The following XXYLT1 variants were observed in gnomAD, a reference collection of about 807,000 sequenced individuals.
XXYLT1 encodes xyloside xylosyltransferase 1.
Under a neutral mutation model 28.9 loss-of-function variants are expected in XXYLT1, and 20 were observed. The ratio of observed to expected loss-of-function variants is 0.69; its 90% CI spans 0.49 to 1.00. The LOEUF (loss-of-function observed/expected upper bound fraction) is 1.00, where lower values mean the gene tolerates loss of function less well. Among genes scored for constraint, XXYLT1 ranks in the 50% least tolerant of loss-of-function variants. The pLI is 0.00. For synonymous variants in XXYLT1, 257 were observed against 253.8 expected, an observed-to-expected ratio of 1.01 and a Z score of -0.12; for missense variants, 542 against 560.1, an observed-to-expected ratio of 0.97 and a Z score of 0.33.
At chr3:195,130,660 C>A (rs1718858286) in intron 3 of XXYLT1, among the ~76,000 whole-genome samples, 4 of 152,160 alleles carry the variant, frequency 2.6e-5, no homozygotes, top group Non-Finnish European at 1.5e-5. Flanking sequence ...GCTAAGAAAT[C>A]AGCCTGAGCA....
chr3:195,097,539 A>G (rs930494431), intron 3 of XXYLT1, among the ~76,000 whole-genome samples: 2 of 152,084 alleles, frequency 1.3e-5, no homozygotes, highest in South Asian at 4.1e-4. Flanking sequence ...CATGATCCCC[A>G]CTTTATAGAC....
chr3:195,069,789 C>T lies in XXYLT1; in HGVS notation c.1108G>A (p.Glu370Lys), dbSNP rs907485665. Residue 370 changes from glutamate (E) to lysine (K), a missense_variant, in exon 4 of 4, where the codon GAG becomes AAG. Transcript: ENST00000310380. ...WRDHGYSDVF[E>K]AYFRCEGHVK... ...TGGCCCTCACACCTGAAATAGGCCT[C>T]GAAGACGTCACTGTAGCCATGGTCC... is the stretch of plus-strand genomic sequence containing the variant. 6 of 1,614,034 alleles carry T rather than the reference C, an allele frequency of 3.7e-6. No homozygotes were observed. The highest frequency in any genetic ancestry group is 1.1e-5 in the South Asian group (1 of 91,088).
intron 3 of XXYLT1, among the ~76,000 whole-genome samples, chr3:195,116,976 G>A (rs1220044173): frequency 6.6e-6 from 1 of 152,116 alleles, no homozygotes; most frequent in Non-Finnish European, 1.5e-5. Flanking sequence ...CATCAGCCCA[G>A]CCAGCACAAA....
rs1040434649 is a variant in XXYLT1, at chr3:195,240,632, C to T, written c.505-13776G>A. 1.3e-5 allele frequency among the ~76,000 whole-genome samples: 2 copies of T among 152,276 alleles called. No homozygotes were observed. Among genetic ancestry groups the T allele is most frequent in the African/African-American group, 4.8e-5 (2 of 41,482 alleles). ...CAGCCACTCCTCTGGCCACAGACAGCAACGCCACAGGTCGGCCGGAGGCCA... is the reference window on the plus strand; with the variant it reads ...CAGCCACTCCTCTGGCCACAGACAGTAACGCCACAGGTCGGCCGGAGGCCA... On this transcript the variant is annotated intron_variant, in intron 1 of 3. Transcript: ENST00000310380. This position sits in a 1 kb window ranked among gnomAD's most constrained non-coding sequence, Gnocchi z 4.7.
chr3:195,195,616 A>C lies in XXYLT1; in HGVS notation c.652+31093T>G, dbSNP rs78459297. ...TGTTGTAAATGAAAGAGATTCATGA[A>C]TGAAAAGCTTTTGTGCCCTGGTCCC... On this transcript the variant is annotated intron_variant, in intron 2 of 3. Coordinates refer to ENST00000310380, the MANE Select transcript of XXYLT1 (RefSeq NM_152531.5). This position sits in a 1 kb window ranked among gnomAD's most constrained non-coding sequence, Gnocchi z 4.4. Among the ~76,000 whole-genome samples, 6,340 of 152,300 alleles carry C rather than the reference A, an allele frequency of 0.042. 479 individuals carry two copies. The highest frequency in any genetic ancestry group is 0.14 in the African/African-American group (6,000 of 41,530).
rs74572356 is a variant in XXYLT1 at position 195,078,815 on chromosome 3, G to GGATC, written c.786-8708_786-8705dup. ...CTGGCAGCTCCTTGCTCGCCGCCTG[G>GGATC]GATCCCCTTCCTCTCTGCTCCATCC... On this transcript the variant is annotated intron_variant, in intron 3 of 3. Transcript: ENST00000310380. The surrounding 1 kb of genome is among the most constrained non-coding windows in gnomAD (Gnocchi z 5.0). Among the ~76,000 whole-genome samples, 12,687 of 152,046 alleles carry GGATC rather than the reference G, an allele frequency of 0.083. 717 individuals carry two copies. The highest frequency in any genetic ancestry group is 0.3 in the East Asian group (1,538 of 5,132).
At chr3:195,141,386 C>T (rs1210388921) in intron 3 of XXYLT1, among the ~76,000 whole-genome samples, 1 of 152,202 alleles carries the variant, frequency 6.6e-6, no homozygotes, top group Non-Finnish European at 1.5e-5. Context: ...ACGTGAGTGT[C>T]ATATGTTTTT....
At chr3:195,074,481 G>A (rs115986307) in intron 3 of XXYLT1, among the ~76,000 whole-genome samples, 2,244 of 152,300 alleles carry the variant, frequency 0.015, 19 homozygotes, top group Middle Eastern at 0.044. Flanking sequence ...CAATGAGCTC[G>A]TTTGGCGTGG....
At chr3:195,193,014 G>A (rs954373350) in intron 2 of XXYLT1, among the ~76,000 whole-genome samples, 11 of 152,220 alleles carry the variant, frequency 7.2e-5, no homozygotes, top group East Asian at 1.9e-4. Context: ...GGCCAGGCAC[G>A]ATGGCTCACA....
At chr3:195,102,175 T>C (rs1027395453) in intron 3 of XXYLT1, among the ~76,000 whole-genome samples, 4 of 152,176 alleles carry the variant, frequency 2.6e-5, no homozygotes, top group African/African-American at 9.7e-5. Context: ...CTGAATTCTA[T>C]GTAAGATATA....
At chr3:195,139,645 G>A (rs1719384391) in intron 3 of XXYLT1, among the ~76,000 whole-genome samples, 1 of 152,162 alleles carries the variant, frequency 6.6e-6, no homozygotes, top group East Asian at 1.9e-4. Flanking sequence ...TTCTTTACTA[G>A]ATAAGCTCAG....
At chr3:195,143,786 A>T (rs192843573) in intron 3 of XXYLT1, among the ~76,000 whole-genome samples, 1,211 of 119,398 alleles carry the variant, frequency 0.01, 8 homozygotes, top group East Asian at 0.056. Context: ...TTCTCTCATT[A>T]TATATATATA....
chr3:195,121,931 C>A (rs1020619050), intron 3 of XXYLT1: 22 of 661,472 alleles, frequency 3.3e-5, no homozygotes, highest in Non-Finnish European at 5.2e-5. Flanking sequence ...CTGGACCCTA[C>A]ATTGTCATCC....
intron 3 of XXYLT1, among the ~76,000 whole-genome samples, chr3:195,075,621 C>T (rs1159797164): frequency 1.3e-5 from 2 of 152,196 alleles, no homozygotes; most frequent in East Asian, 1.9e-4. Flanking sequence ...GCAGGGCCCA[C>T]GTCCTCCAAG....
intron 3 of XXYLT1, among the ~76,000 whole-genome samples, chr3:195,083,296 C>G (rs1715541131): frequency 6.6e-6 from 1 of 152,190 alleles, no homozygotes; most frequent in African/African-American, 2.4e-5. Context: ...TGTGTGTAAA[C>G]TGTGAGCTGA....
chr3:195,191,592 T>C (rs1304532622), intron 2 of XXYLT1, among the ~76,000 whole-genome samples: 4 of 152,180 alleles, frequency 2.6e-5, no homozygotes, highest in African/African-American at 9.7e-5. Flanking sequence ...CCCATGTTGT[T>C]CAAGGGCCAA....
chr3:195,150,815 C>T lies in XXYLT1; in HGVS notation c.785+5634G>A, dbSNP rs1421545024. On this transcript the variant is annotated intron_variant, in intron 3 of 3. Coordinates refer to ENST00000310380, the MANE Select transcript of XXYLT1 (RefSeq NM_152531.5). The surrounding 1 kb of genome is among the most constrained non-coding windows in gnomAD (Gnocchi z 4.7). ...ATGCACACTCTCACACACTCACATACACACACACTCACACATACGCACACT... is the reference window on the plus strand; with the variant it reads ...ATGCACACTCTCACACACTCACATATACACACACTCACACATACGCACACT... Among the ~76,000 whole-genome samples the T allele has an allele frequency of 6.6e-6, 1 of 151,808 alleles. No individual in the cohort carries two copies. Among genetic ancestry groups the T allele is most frequent in the African/African-American group, 2.4e-5 (1 of 41,242 alleles).
At chr3:195,128,697 C>T (rs1160434679) in intron 3 of XXYLT1, among the ~76,000 whole-genome samples, 1 of 152,216 alleles carries the variant, frequency 6.6e-6, no homozygotes, top group African/African-American at 2.4e-5. Context: ...CTTCCTGATG[C>T]CTTCCCTGAT....
chr3:195,198,781 TG>T lies in XXYLT1; in HGVS notation c.652+27927del, dbSNP rs1165262759. Among the ~76,000 whole-genome samples, 4 of 152,286 alleles carry T rather than the reference TG, an allele frequency of 2.6e-5. No individual in the cohort carries two copies. In the South Asian group the frequency reaches 6.2e-4, roughly 24 times the overall value. On this transcript the variant is annotated intron_variant, in intron 2 of 3. Coordinates refer to ENST00000310380, the MANE Select transcript of XXYLT1 (RefSeq NM_152531.5). ...CCGTTCTACAGTGTTCACAAGGTCATGGCACCCGCAGTTCTTGACAGCCATT... is the reference window on the plus strand; with the variant it reads ...CCGTTCTACAGTGTTCACAAGGTCATGCACCCGCAGTTCTTGACAGCCATT...
Sources: gnomAD v4.1 joint callset for allele counts (sites outside exome capture counted in the v4.1 genomes callset) on GRCh38, gnomAD v4.1.1 for gene constraint, Gnocchi (gnomAD v3.1) non-coding constraint, MANE v1.5 for transcripts, NCBI Gene and HGNC (gene_info 2026-07-23, HGNC 2026-07-21) for gene names.